The following TAF10 variants were observed in gnomAD, a reference collection of about 807,000 sequenced individuals.
TAF10 encodes TATA-box binding protein associated factor 10, also known as transcription initiation factor TFIID subunit 10.
In TAF10, 2 loss-of-function variants were observed where a neutral mutation model predicts 18.1. That is an observed-to-expected ratio of 0.11 (90% CI 0.05 to 0.35). TAF10 has a LOEUF of 0.35. Ranked by LOEUF, TAF10 falls within the 10% of genes least tolerant of loss-of-function variation. The pLI is 1.00. For synonymous variants in TAF10, 158 were observed against 134.6 expected (o/e 1.17, Z -1.20); for missense variants, 293 against 306.9 (o/e 0.95, Z 0.34).
At position 6,610,329 on chromosome 11, in the gene TAF10, G is replaced by T; in HGVS notation, c.*593C>A. 6.2e-7 allele frequency: 1 copy of T among 1,613,808 alleles called. No homozygotes were observed. The highest frequency in any genetic ancestry group is 8.5e-7 in the Non-Finnish European group (1 of 1,179,950). On this transcript the variant is annotated 3_prime_UTR_variant, in exon 5 of 5. Coordinates refer to ENST00000299424, the MANE Select transcript of TAF10 (RefSeq NM_006284.4). ...TGTTGCGGGAGTGGTTGGTGATGGT[G>T]AAAATAACTGTAGTGGGCCTTGGCT... is the stretch of plus-strand genomic sequence containing the variant.
Position 6,611,958 on chromosome 11 carries a change from C to A in TAF10, c.232G>T (p.Ala78Ser). 6.4e-7 allele frequency: 1 copy of A among 1,571,826 alleles called. No individual in the cohort carries two copies. Among genetic ancestry groups the A allele is most frequent in the East Asian group, 2.3e-5 (1 of 42,870 alleles). The change falls in exon 1 of 5, where the codon GCT (alanine) becomes TCT (serine). Residue 78 changes from alanine to serine, a missense_variant and splice_region_variant. Coordinates refer to ENST00000299424, the MANE Select transcript of TAF10 (RefSeq NM_006284.4). ...AGEPAERRGAAPVSAGGAAPP... is the reference protein window; with the variant it reads ...AGEPAERRGASPVSAGGAAPP... Reference sequence around the variant, plus strand: ...CGCCCTCACCCGTCCCGGCCCTCACCCGCCCCACGCCGCTCAGCTGGCTCC... The same window carrying A: ...CGCCCTCACCCGTCCCGGCCCTCACACGCCCCACGCCGCTCAGCTGGCTCC...
In TAF10 at chr11:6,608,369, CTTT is replaced by C. The variant is rs1855155296; in HGVS notation, c.*2550_*2552del. On this transcript the variant is annotated 3_prime_UTR_variant, in exon 5 of 5. Transcript: ENST00000299424. This position sits in a 1 kb window ranked among gnomAD's most constrained non-coding sequence, Gnocchi z 4.9. ...GAACTGACTGTACTTTCTGCCTCTT[CTTT>C]TTGTCTGGCCATGGGGTCCAGCTAT... is the stretch of plus-strand genomic sequence containing the variant. 1 of 1,609,860 alleles carries C rather than the reference CTTT, an allele frequency of 6.2e-7. No individual in the cohort carries two copies. Among genetic ancestry groups the C allele is most frequent in the African/African-American group, 1.3e-5 (1 of 74,942 alleles).
In TAF10 at chr11:6,609,570, C is replaced by T; in HGVS notation, c.*1352G>A. 2 of 1,614,198 alleles carry T rather than the reference C, an allele frequency of 1.2e-6. No individual in the cohort carries two copies. Among genetic ancestry groups the T allele is most frequent in the South Asian group, 2.2e-5 (2 of 91,086 alleles). Reference sequence around the variant, plus strand: ...AGGTGCCTGCCAGTCTCCACCTGCTCCTCATCCTACTCTCATCACACACTG... The same window carrying T: ...AGGTGCCTGCCAGTCTCCACCTGCTTCTCATCCTACTCTCATCACACACTG... On this transcript the variant is annotated 3_prime_UTR_variant, in exon 5 of 5. Coordinates refer to ENST00000299424, the MANE Select transcript of TAF10 (RefSeq NM_006284.4).
rs1855068538 is a variant in TAF10 at position 6,607,710 on chromosome 11, G to A, written c.*3212C>T. The A allele has an allele frequency of 2.7e-6, 1 of 367,056 alleles. No individual in the cohort carries two copies. The highest frequency in any genetic ancestry group is 5.2e-6 in the Non-Finnish European group (1 of 192,180). 22.7% of individuals were successfully genotyped at this position (367,056 alleles called of 1,614,324 possible). ...AGTGCTGAAGTAGGGGGACATATAAGATGTGGTGGAAAACAGAAAGGACCA... is the reference window on the plus strand; with the variant it reads ...AGTGCTGAAGTAGGGGGACATATAAAATGTGGTGGAAAACAGAAAGGACCA... On this transcript the variant is annotated 3_prime_UTR_variant, in exon 5 of 5. Coordinates refer to ENST00000299424, the MANE Select transcript of TAF10 (RefSeq NM_006284.4).
In TAF10 at chr11:6,612,160, G is replaced by A. The variant is rs1855483909; in HGVS notation, c.30C>T (p.Pro10=). ...AGGCGGCGGAGGCCGGCGCCGCCTCGGGGTCCGCGCCGGAGCCGCTGCAGC... is the reference window on the plus strand; with the variant it reads ...AGGCGGCGGAGGCCGGCGCCGCCTCAGGGTCCGCGCCGGAGCCGCTGCAGC... The part of the protein sequence containing the change: MSCSGSGAD[P]EAAPASAASA... Residue 10 remains proline, a synonymous_variant, in exon 1 of 5, where the codon CCC becomes CCT. Transcript: ENST00000299424. 3 of 1,184,908 alleles carry A rather than the reference G, an allele frequency of 2.5e-6. No individual in the cohort carries two copies. Among genetic ancestry groups the A allele is most frequent in the South Asian group, 7.7e-5 (2 of 26,010 alleles). 73.4% of individuals were successfully genotyped at this position (1,184,908 alleles called of 1,614,324 possible). A position where few individuals can be genotyped will look rare whatever the true frequency, so the allele number is the denominator to read the frequency against.
Position 6,609,414 on chromosome 11 carries a change from G to C in TAF10, c.*1508C>G, listed in dbSNP as rs1430830149. On this transcript the variant is annotated 3_prime_UTR_variant, in exon 5 of 5. Transcript: ENST00000299424. ...GAAGAGTGTCCCCGGCTCAGGTAGT[G>C]CAAGGCGTAACCTGGAAGCTGCTAG... 4 of 1,613,868 alleles carry C rather than the reference G, an allele frequency of 2.5e-6. No individual in the cohort carries two copies.
chr11:6,610,591 G>A lies in TAF10; in HGVS notation c.*331C>T. The A allele has an allele frequency of 1.2e-6, 2 of 1,614,200 alleles. No homozygotes were observed. Among genetic ancestry groups the A allele is most frequent in the East Asian group, 2.2e-5 (1 of 44,888 alleles). On this transcript the variant is annotated 3_prime_UTR_variant, in exon 5 of 5. Transcript: ENST00000299424. ...ATTTGACATGATTGTGCCTATCCTT[G>A]AGAAGATGCAGGACAAGTAGGACTG...
At position 6,608,364 on chromosome 11, in the gene TAF10, C is replaced by G. The variant is rs1029483367; in HGVS notation, c.*2558G>C. ...ATTTGGAACTGACTGTACTTTCTGC[C>G]TCTTCTTTTTGTCTGGCCATGGGGT... On this transcript the variant is annotated 3_prime_UTR_variant, in exon 5 of 5. Coordinates refer to ENST00000299424, the MANE Select transcript of TAF10 (RefSeq NM_006284.4). The surrounding 1 kb of genome is among the most constrained non-coding windows in gnomAD (Gnocchi z 4.9). 2.5e-6 allele frequency: 4 copies of G among 1,604,834 alleles called. No individual in the cohort carries two copies. Among genetic ancestry groups the G allele is most frequent in the Admixed American group, 3.3e-5 (2 of 60,020 alleles).
At position 6,610,023 on chromosome 11, in the gene TAF10, G is replaced by A. The variant is rs199558648; in HGVS notation, c.*899C>T. The A allele has an allele frequency of 4.0e-5, 64 of 1,614,042 alleles. No individual in the cohort carries two copies. The highest frequency in any genetic ancestry group is 1.7e-5 in the Admixed American group (1 of 60,008). On this transcript the variant is annotated 3_prime_UTR_variant, in exon 5 of 5. Coordinates refer to ENST00000299424, the MANE Select transcript of TAF10 (RefSeq NM_006284.4). ...TGGTCGCATGTATGCACCTGCCTGG[G>A]TAGCCCCCGAAGGTGAGTGAAGTCA...
Position 6,610,832 on chromosome 11 carries a change from G to T in TAF10, c.*90C>A. On this transcript the variant is annotated 3_prime_UTR_variant, in exon 5 of 5. Transcript: ENST00000299424. ...ACATGGTGTCTCCCAACATGGGAGG[G>T]ATCAGCCCCGCCTGTCACAATAAAG... The T allele has an allele frequency of 1.3e-6, 2 of 1,491,956 alleles. No homozygotes were observed. The highest frequency in any genetic ancestry group is 1.9e-6 in the Non-Finnish European group (2 of 1,073,594). 92.4% of individuals were successfully genotyped at this position (1,491,956 alleles called of 1,614,324 possible). A position where few individuals can be genotyped will look rare whatever the true frequency, so the allele number is the denominator to read the frequency against.
At position 6,612,024 on chromosome 11, in the gene TAF10, C is replaced by T; in HGVS notation, c.166G>A (p.Ala56Thr). The stretch of plus-strand genomic sequence containing the variant: ...AAGGGTCCCGTGCCCCCAGCAGCTG[C>T]TCCAGCCCCAGGTCCCCCCGCTGTC... ...AGTAGGPGAG[A>T]AAGGTGPLAA... Residue 56 changes from alanine (A) to threonine (T), a missense_variant, in exon 1 of 5, where the codon GCA becomes ACA. Physicochemically the swap from Ala to Thr is moderately conservative, Grantham distance 58 (BLOSUM62 0). Transcript: ENST00000299424. 3 of 1,524,202 alleles carry T rather than the reference C, an allele frequency of 2.0e-6. No individual in the cohort carries two copies. The highest frequency in any genetic ancestry group is 2.6e-6 in the Non-Finnish European group (3 of 1,143,662). The allele number at this position is 1,524,202 out of a possible 1,614,324, so 94.4% of individuals were successfully genotyped here.
rs1160421085 is a variant in TAF10, at chr11:6,608,991, G to A, written c.*1931C>T. 2.5e-6 allele frequency: 4 copies of A among 1,613,886 alleles called. No individual in the cohort carries two copies. Among genetic ancestry groups the A allele is most frequent in the Non-Finnish European group, 2.5e-6 (3 of 1,179,738 alleles). On this transcript the variant is annotated 3_prime_UTR_variant, in exon 5 of 5. Transcript: ENST00000299424. The surrounding 1 kb of genome is among the most constrained non-coding windows in gnomAD (Gnocchi z 4.9). Reference sequence around the variant, plus strand: ...CCGTGAGTCACCACTGTGGGAAGAAGGGTTGTAAAAGGAAATAATCCTGGC... The same window carrying A: ...CCGTGAGTCACCACTGTGGGAAGAAAGGTTGTAAAAGGAAATAATCCTGGC...
rs757996598 is a variant in TAF10 at position 6,610,891 on chromosome 11, G to A, written c.*31C>T. ...GAAAACAGGCTGGTGTGGGGACATG[G>A]GGACAGATAAGTACATTTAGGTTGG... On this transcript the variant is annotated 3_prime_UTR_variant, in exon 5 of 5. Coordinates refer to ENST00000299424, the MANE Select transcript of TAF10 (RefSeq NM_006284.4). The A allele has an allele frequency of 2.5e-6, 4 of 1,610,604 alleles. No individual in the cohort carries two copies. Among genetic ancestry groups the A allele is most frequent in the Non-Finnish European group, 2.5e-6 (3 of 1,176,784 alleles).
In TAF10 at chr11:6,608,603, G is replaced by A. The variant is rs1855179608; in HGVS notation, c.*2319C>T. The A allele has an allele frequency of 7.4e-7, 1 of 1,351,550 alleles. No homozygotes were observed. Among genetic ancestry groups the A allele is most frequent in the Non-Finnish European group, 1.1e-6 (1 of 940,686 alleles). The allele number at this position is 1,351,550 out of a possible 1,614,324, so 83.7% of individuals were successfully genotyped here. A position where few individuals can be genotyped will look rare whatever the true frequency, so the allele number is the denominator to read the frequency against. On this transcript the variant is annotated 3_prime_UTR_variant, in exon 5 of 5. Transcript: ENST00000299424. This position sits in a 1 kb window ranked among gnomAD's most constrained non-coding sequence, Gnocchi z 4.9. ...CAGTACTACTGTGTGACACTTACAG[G>A]ATTAAGTTCTACATTTGTGCATTCA...
chr11:6,607,791 GGAAAT>G lies in TAF10; in HGVS notation c.*3126_*3130del. ...CCAGGGGAAGAGCACTACCACCTAA[GGAAAT>G]GAGATGTGGGATATGGTGAAGATAA... is the stretch of plus-strand genomic sequence containing the variant. On this transcript the variant is annotated 3_prime_UTR_variant, in exon 5 of 5. Transcript: ENST00000299424. 1 of 517,734 alleles carries G rather than the reference GGAAAT, an allele frequency of 1.9e-6. No homozygotes were observed. Among genetic ancestry groups the G allele is most frequent in the African/African-American group, 1.9e-5 (1 of 52,172 alleles). The allele number at this position is 517,734 out of a possible 1,614,324, so 32.1% of individuals were successfully genotyped here. A position where few individuals can be genotyped will look rare whatever the true frequency, so the allele number is the denominator to read the frequency against.
rs939849215 is a variant in TAF10, at chr11:6,607,754, G to C, written c.*3168C>G. On this transcript the variant is annotated 3_prime_UTR_variant, in exon 5 of 5. Transcript: ENST00000299424. The stretch of plus-strand genomic sequence containing the variant: ...AGGACCAATAGATGTTGCAGAAGGG[G>C]TGCAAGAGAAACCAGGGGAAGAGCA... 1.1e-5 allele frequency: 5 copies of C among 451,598 alleles called. No homozygotes were observed. Among genetic ancestry groups the C allele is most frequent in the African/African-American group, 2.0e-5 (1 of 50,444 alleles). The allele number at this position is 451,598 out of a possible 1,614,324, so 28.0% of individuals were successfully genotyped here.
intron 2 of TAF10, 101 bp from the exon 3 acceptor site, chr11:6,611,553 GCAAA>G: frequency 1.3e-6 from 2 of 1,594,268 alleles, no homozygotes. Flanking sequence ...TGAGCAGAGG[GCAAA>G]CACAGAAGAG....
rs1589940447 is a variant in TAF10, at chr11:6,609,714, C to T, written c.*1208G>A. On this transcript the variant is annotated 3_prime_UTR_variant, in exon 5 of 5. Coordinates refer to ENST00000299424, the MANE Select transcript of TAF10 (RefSeq NM_006284.4). ...CCTCTCTGAACTATTTGACTTTTGC[C>T]TCCTCTCAGATTTCGTCGTGGACCA... 2 of 1,614,160 alleles carry T rather than the reference C, an allele frequency of 1.2e-6. No individual in the cohort carries two copies. The highest frequency in any genetic ancestry group is 1.7e-6 in the Non-Finnish European group (2 of 1,180,024).
chr11:6,608,890 C>T lies in TAF10; in HGVS notation c.*2032G>A. ...GGTTGTTTTTCTTCCCTAGAGCGGGCAGAGAAGATGGGCCAGAATCTCAAC... is the reference window on the plus strand; with the variant it reads ...GGTTGTTTTTCTTCCCTAGAGCGGGTAGAGAAGATGGGCCAGAATCTCAAC... On this transcript the variant is annotated 3_prime_UTR_variant, in exon 5 of 5. Coordinates refer to ENST00000299424, the MANE Select transcript of TAF10 (RefSeq NM_006284.4). The surrounding 1 kb of genome is among the most constrained non-coding windows in gnomAD (Gnocchi z 4.9). The T allele has an allele frequency of 6.2e-7, 1 of 1,614,192 alleles. No individual in the cohort carries two copies. The highest frequency in any genetic ancestry group is 1.1e-5 in the South Asian group (1 of 91,088).
Sources: gnomAD v4.1 joint callset for allele counts on GRCh38, gnomAD v4.1.1 for gene constraint, Gnocchi (gnomAD v3.1) non-coding constraint, MANE v1.5 for transcripts, NCBI Gene and HGNC (gene_info 2026-07-23, HGNC 2026-07-21) for gene names.